The following MALT1 variants were observed in gnomAD, a reference collection of about 807,000 sequenced individuals.
The protein encoded by MALT1 is MALT1 paracaspase, also known as mucosa-associated lymphoid tissue lymphoma translocation protein 1.
A neutral mutation model predicts 85.5 loss-of-function variants in MALT1; 36 were observed. The ratio of observed to expected loss-of-function variants is 0.42; its 90% CI spans 0.32 to 0.56. MALT1 has a LOEUF of 0.56. Ranked by LOEUF, MALT1 falls within the 20% of genes least tolerant of loss-of-function variation. MALT1 has a pLI of 0.10. For synonymous variants in MALT1, 359 were observed against 361.3 expected (o/e 0.99, Z 0.07); for missense variants, 716 against 981.6 (o/e 0.73, Z 3.62).
rs1259551392 is a variant in MALT1, at chr18:58,752,718, T to G, written c.*4876T>G. 6.6e-6 allele frequency: 1 copy of G among 152,182 alleles called. No individual in the cohort carries two copies. The highest frequency in any genetic ancestry group is 1.5e-5 in the Non-Finnish European group (1 of 68,066). 9.4% of individuals were successfully genotyped at this position (152,182 alleles called of 1,614,324 possible). On this transcript the variant is annotated 3_prime_UTR_variant, in exon 17 of 17. Coordinates refer to ENST00000649217, the MANE Select transcript of MALT1 (RefSeq NM_006785.4). ...AGGAGGCTGAAGTGGGACGATCGCTTGAGCCCAGAAGGCAGAGGTTACGGT... is the reference window on the plus strand; with the variant it reads ...AGGAGGCTGAAGTGGGACGATCGCTGGAGCCCAGAAGGCAGAGGTTACGGT...
intron 10 of MALT1, among the ~76,000 whole-genome samples, chr18:58,726,851 A>G (rs981211504): frequency 1.3e-5 from 2 of 152,220 alleles, no homozygotes; most frequent in Non-Finnish European, 2.9e-5. Flanking sequence ...TTGTCGGAAT[A>G]TGGCAAAAGT....
At position 58,706,117 on chromosome 18, in the gene MALT1, G is replaced by A. The variant is rs569095546; in HGVS notation, c.650-3261G>A. Among the ~76,000 whole-genome samples, 221 of 151,826 alleles carry A rather than the reference G, an allele frequency of 1.5e-3. 1 individual carries two copies. The highest frequency in any genetic ancestry group is 4.7e-3 in the Admixed American group (71 of 15,246). ...TCTCCTGCCTCAGGCTCCCGAGTAG[G>A]TGGGACTACAGGCGCCCGCCACCAC... On this transcript the variant is annotated intron_variant, in intron 4 of 16. Coordinates refer to ENST00000649217, the MANE Select transcript of MALT1 (RefSeq NM_006785.4).
At chr18:58,702,315 C>T (rs1328294019) in intron 4 of MALT1, among the ~76,000 whole-genome samples, 5 of 151,464 alleles carry the variant, frequency 3.3e-5, no homozygotes, top group Admixed American at 6.6e-5. Context: ...GCCCGGGAGG[C>T]GGAGGTTGCA....
chr18:58,696,701 C>T (rs1198835674), intron 3 of MALT1, among the ~76,000 whole-genome samples: 7 of 152,116 alleles, frequency 4.6e-5, no homozygotes, highest in Non-Finnish European at 8.8e-5. Context: ...GAAATTAGTT[C>T]TCCACTCTAA....
intron 11 of MALT1, chr18:58,733,928 G>C (rs1452497059): frequency 8.7e-7 from 1 of 1,145,770 alleles, no homozygotes; most frequent in Admixed American, 4.4e-5. Context: ...CTGCTCACTA[G>C]TCAGTCCTGG....
chr18:58,721,345 A>G (rs1248708172), intron 9 of MALT1, among the ~76,000 whole-genome samples: 1 of 152,148 alleles, frequency 6.6e-6, no homozygotes, highest in Non-Finnish European at 1.5e-5. Context: ...ATGCCATTGC[A>G]CTCCAGCCTG....
At chr18:58,739,144 C>CTA (rs2055266818) in intron 13 of MALT1, among the ~76,000 whole-genome samples, 1 of 152,078 alleles carries the variant, frequency 6.6e-6, no homozygotes, top group African/African-American at 2.4e-5. Flanking sequence ...TATAGATAGT[C>CTA]TAACATTAAT....
At position 58,752,526 on chromosome 18, in the gene MALT1, C is replaced by A. The variant is rs2055459804; in HGVS notation, c.*4684C>A. On this transcript the variant is annotated 3_prime_UTR_variant, in exon 17 of 17. Transcript: ENST00000649217. ...GGGCATGGTGGCTCACACCTGTAATCCCAGCACTTCGGGAGACTGCGGTAA... is the reference window on the plus strand; with the variant it reads ...GGGCATGGTGGCTCACACCTGTAATACCAGCACTTCGGGAGACTGCGGTAA... 1 of 151,518 alleles carries A rather than the reference C, an allele frequency of 6.6e-6. No homozygotes were observed. Among genetic ancestry groups the A allele is most frequent in the Non-Finnish European group, 1.5e-5 (1 of 67,998 alleles). The allele number at this position is 151,518 out of a possible 1,614,324, so 9.4% of individuals were successfully genotyped here. A position where few individuals can be genotyped will look rare whatever the true frequency, so the allele number is the denominator to read the frequency against.
intron 10 of MALT1, among the ~76,000 whole-genome samples, chr18:58,732,093 C>T: frequency 6.6e-6 from 1 of 152,056 alleles, no homozygotes; most frequent in Non-Finnish European, 1.5e-5. Flanking sequence ...GGAGTCGGGG[C>T]CATAATTACA....
In MALT1 at chr18:58,715,950, C is replaced by A; in HGVS notation, c.1001C>A (p.Thr334Lys). 1 of 1,605,072 alleles carries A rather than the reference C, an allele frequency of 6.2e-7. No individual in the cohort carries two copies. The highest frequency in any genetic ancestry group is 8.5e-7 in the Non-Finnish European group (1 of 1,175,552). Residue 334 changes from threonine to lysine, a missense_variant, in exon 9 of 17, where the codon ACA becomes AAA. Coordinates refer to ENST00000649217, the MANE Select transcript of MALT1 (RefSeq NM_006785.4). ...NLGHPDNKEQ[T>K]TDQPLAKDKV... ...CTTTGTATAGATAATAAAGAGCAAA[C>A]AACTGACCAGCCTTTGGGTGAGTAG...
rs532517940 is a variant in MALT1, at chr18:58,752,909, G to A, written c.*5067G>A. ...GCATTAAAAATACTTAAGCATCAAA[G>A]TTTGGCTTTATGAAGAAGGAGTCTG... is the stretch of plus-strand genomic sequence containing the variant. On this transcript the variant is annotated 3_prime_UTR_variant, in exon 17 of 17. Coordinates refer to ENST00000649217, the MANE Select transcript of MALT1 (RefSeq NM_006785.4). The A allele has an allele frequency of 3.3e-5, 5 of 152,288 alleles. No individual in the cohort carries two copies. The highest frequency in any genetic ancestry group is 1.2e-4 in the African/African-American group (5 of 41,568). 9.4% of individuals were successfully genotyped at this position (152,288 alleles called of 1,614,324 possible).
intron 4 of MALT1, among the ~76,000 whole-genome samples, chr18:58,703,377 C>A (rs1035071284): frequency 3.3e-5 from 5 of 151,976 alleles, no homozygotes; most frequent in Admixed American, 2.6e-4. Flanking sequence ...AAAATATCAC[C>A]ATTTTCTTTA....
intron 15 of MALT1, among the ~76,000 whole-genome samples, chr18:58,744,968 G>A (rs2055347718): frequency 4.0e-5 from 6 of 151,698 alleles, no homozygotes; most frequent in Admixed American, 3.9e-4. Flanking sequence ...TTTCCTACAT[G>A]AGTGTGACAA....
At position 58,745,650 on chromosome 18, in the gene MALT1, A is replaced by T. The variant is rs1047310584; in HGVS notation, c.1912-16A>T. 2.5e-5 allele frequency: 31 copies of T among 1,233,556 alleles called. No individual in the cohort carries two copies. Among genetic ancestry groups the T allele is most frequent in the African/African-American group, 6.1e-5 (4 of 65,500 alleles). 76.4% of individuals were successfully genotyped at this position (1,233,556 alleles called of 1,614,324 possible). ...TTGATTTCATTATTAACAGTCCCTA[A>T]TTTTTTTTTTTACAGGATCTAGATA... On this transcript the variant is annotated splice_polypyrimidine_tract_variant and intron_variant, in intron 15 of 16. Coordinates refer to ENST00000649217, the MANE Select transcript of MALT1 (RefSeq NM_006785.4).
At chr18:58,737,970 G>A (rs1602338758) in intron 13 of MALT1, among the ~76,000 whole-genome samples, 4 of 152,270 alleles carry the variant, frequency 2.6e-5, no homozygotes, top group Middle Eastern at 3.4e-3. Context: ...TCTGTAACGT[G>A]ACTTTTATTT....
intron 2 of MALT1, among the ~76,000 whole-genome samples, chr18:58,688,114 G>C (rs2054433041): frequency 6.6e-6 from 1 of 152,074 alleles, no homozygotes; most frequent in Admixed American, 6.6e-5. Context: ...GTGCTGCATT[G>C]GGGTGGCTAA....
chr18:58,679,104 C>T (rs1436735621), intron 1 of MALT1, among the ~76,000 whole-genome samples: 1 of 152,206 alleles, frequency 6.6e-6, no homozygotes, highest in Non-Finnish European at 1.5e-5. Flanking sequence ...AATACTTGTA[C>T]TTTCCCCTTC....
At position 58,733,498 on chromosome 18, in the gene MALT1, G is replaced by T. The variant is rs2055182689; in HGVS notation, c.1324G>T (p.Val442Leu). 1.2e-6 allele frequency: 2 copies of T among 1,612,764 alleles called. No homozygotes were observed. The highest frequency in any genetic ancestry group is 8.5e-7 in the Non-Finnish European group (1 of 1,178,952). The change falls in exon 11 of 17, where the codon GTA (valine) becomes TTA (leucine). Residue 442 changes from valine (V) to leucine (L), a missense_variant. Val to Leu is a conservative substitution (Grantham distance 32). Coordinates refer to ENST00000649217, the MANE Select transcript of MALT1 (RefSeq NM_006785.4). ...ATATAGGTCTGAAAATTGTCTGTGTGTACAAAATATACTGAAATTGATGCA... is the reference window on the plus strand; with the variant it reads ...ATATAGGTCTGAAAATTGTCTGTGTTTACAAAATATACTGAAATTGATGCA... ...NPYRSENCLC[V>L]QNILKLMQEK...
At chr18:58,705,329 T>TA (rs1491547951) in intron 4 of MALT1, among the ~76,000 whole-genome samples, 1 of 151,806 alleles carries the variant, frequency 6.6e-6, no homozygotes, top group African/African-American at 2.4e-5. Context: ...TGTGTATTTA[T>TA]TTTTATTATT....
Sources: gnomAD v4.1 joint callset for allele counts (sites outside exome capture counted in the v4.1 genomes callset) on GRCh38, gnomAD v4.1.1 for gene constraint, MANE v1.5 for transcripts, NCBI Gene and HGNC (gene_info 2026-07-23, HGNC 2026-07-21) for gene names.